Variants in PLS3 observed in about 807,000 individuals in gnomAD.
PLS3 encodes the protein plastin 3, also known as plastin-3.
PLS3 carries 11 observed loss-of-function variants against 46.5 expected under a neutral mutation model. The ratio of observed to expected loss-of-function variants is 0.24; its 90% CI spans 0.15 to 0.39. The LOEUF is 0.39. Among genes scored for constraint, PLS3 ranks in the 10% least tolerant of loss-of-function variants. The probability of loss-of-function intolerance (pLI) is 1.00; values close to 1 mark genes in which losing one functional copy is unlikely to be tolerated. For synonymous variants in PLS3, 167 were observed against 162.2 expected (o/e 1.03, Z -0.22); for missense variants, 308 against 461.8 (o/e 0.67, Z 3.05).
At position 115,647,899 on chromosome X, in the gene PLS3, A is replaced by G. The variant is rs2074968519; in HGVS notation, c.1642A>G (p.Thr548Ala). 1 of 1,200,447 alleles carries G rather than the reference A, an allele frequency of 8.3e-7. No individual in the cohort carries two copies. Residue 548 changes from threonine (T) to alanine (A), a missense_variant, in exon 15 of 16, where the codon ACG (threonine) becomes GCG (alanine). This residue lies in a region of PLS3 where 271 missense variants were observed against 435.7 expected (regional missense o/e 0.62). Coordinates refer to ENST00000355899, the MANE Select transcript of PLS3 (RefSeq NM_005032.7). ...STSIQSFKDKTISSSLAVVDL... is the reference protein window; with the variant it reads ...STSIQSFKDKAISSSLAVVDL... ...TGTTCTCCTTTCACACTAGGACAAG[A>G]CGATCAGCTCCAGTTTGGCAGTTGT...
chrX:115,628,081 A>C (rs2074728645), intron 3 of PLS3, among the ~76,000 whole-genome samples: 2 of 111,280 alleles, frequency 1.8e-5, no homozygotes. Context: ...ACAACAAGGC[A>C]CTCCTTTCGG....
At chrX:115,578,452 G>C (rs907615241) in intron 1 of PLS3, among the ~76,000 whole-genome samples, 2 of 111,393 alleles carry the variant, frequency 1.8e-5, no homozygotes, top group Non-Finnish European at 3.8e-5. Context: ...AAAGCTAGGC[G>C]TGGTGGCTCA....
In PLS3 at chrX:115,636,829, C is replaced by CTTTT; in HGVS notation, c.749-5_749-4insTTTT. On this transcript the variant is annotated splice_region_variant and splice_polypyrimidine_tract_variant and intron_variant, in intron 7 of 15. Transcript: ENST00000355899. ...ATAACTGTGGGATTTTTTTTTTTTT[C>CTTTT]TTCTAGCCTTGGCTGCTTTACTCCG... 9.3e-7 allele frequency: 1 copy of CTTTT among 1,075,791 alleles called. No individual in the cohort carries two copies. The highest frequency in any genetic ancestry group is 1.2e-6 in the Non-Finnish European group (1 of 824,737). The allele number at this position is 1,075,791 out of a possible 1,213,427, so 88.7% of individuals were successfully genotyped here.
intron 1 of PLS3, among the ~76,000 whole-genome samples, chrX:115,568,256 A>G (rs1420892871): frequency 8.9e-6 from 1 of 111,961 alleles, no homozygotes; most frequent in East Asian, 2.8e-4. Context: ...TTCAACATGT[A>G]TGAATTAATC....
intron 2 of PLS3, among the ~76,000 whole-genome samples, chrX:115,620,083 T>C (rs2074633753): frequency 9.0e-6 from 1 of 111,548 alleles, no homozygotes; most frequent in Non-Finnish European, 1.9e-5. Context: ...TCTTGCAAAT[T>C]GCAATTTTAG....
chrX:115,620,756 A>G (rs1556637421), intron 2 of PLS3, among the ~76,000 whole-genome samples: 1 of 76,858 alleles, frequency 1.3e-5, no homozygotes, highest in Admixed American at 2.2e-4. Context: ...TCTGTCACCC[A>G]GGCTGCAGTG....
At chrX:115,582,024 G>C (rs1603221760) in intron 1 of PLS3, among the ~76,000 whole-genome samples, 2 of 112,137 alleles carry the variant, frequency 1.8e-5, no homozygotes, top group Non-Finnish European at 3.8e-5. Context: ...ATTTAAAGAA[G>C]ATGCAATATA....
intron 1 of PLS3, among the ~76,000 whole-genome samples, chrX:115,574,900 A>G (rs781789586): frequency 1.6e-4 from 18 of 111,869 alleles, no homozygotes; most frequent in Non-Finnish European, 5.6e-5. Context: ...ATTTTTATAG[A>G]TTTTAGTATA....
intron 1 of PLS3, among the ~76,000 whole-genome samples, chrX:115,569,074 G>A (rs2032120134): frequency 9.1e-6 from 1 of 109,655 alleles, no homozygotes; most frequent in South Asian, 3.8e-4. Context: ...AAAAGAAAAG[G>A]CCATTCTTTA....
At chrX:115,579,673 T>A (rs1556631626) in intron 1 of PLS3, among the ~76,000 whole-genome samples, 1 of 112,209 alleles carries the variant, frequency 8.9e-6, no homozygotes, top group Non-Finnish European at 1.9e-5. Context: ...TAACATTTTT[T>A]ATGCACTTAT....
intron 1 of PLS3, among the ~76,000 whole-genome samples, chrX:115,588,446 A>G (rs1603224712): frequency 8.9e-6 from 1 of 112,350 alleles, no homozygotes; most frequent in Non-Finnish European, 1.9e-5. Flanking sequence ...AATGTAAACA[A>G]TGCCACCCTT....
intron 1 of PLS3, among the ~76,000 whole-genome samples, chrX:115,587,136 G>A (rs965877299): frequency 8.9e-6 from 1 of 112,376 alleles, no homozygotes; most frequent in Middle Eastern, 4.6e-3. Context: ...AGTGGGTAAA[G>A]CTGCTGAATC....
chrX:115,593,320 T>C (rs1268176113), intron 1 of PLS3, among the ~76,000 whole-genome samples: 8 of 109,725 alleles, frequency 7.3e-5, no homozygotes, highest in Non-Finnish European at 3.8e-5. Context: ...CCCTGAGTCC[T>C]TATATGATTT....
intron 1 of PLS3, among the ~76,000 whole-genome samples, chrX:115,597,253 T>C: frequency 8.9e-6 from 1 of 111,863 alleles, no homozygotes; most frequent in East Asian, 2.8e-4. Context: ...TGGCTTAGTC[T>C]AACCCCATGC....
chrX:115,608,987 C>A (rs2074521307), intron 1 of PLS3, among the ~76,000 whole-genome samples: 2 of 110,004 alleles, frequency 1.8e-5, no homozygotes, highest in African/African-American at 6.6e-5. Context: ...GTAATCCCAG[C>A]ATTTTGGGAG....
intron 1 of PLS3, among the ~76,000 whole-genome samples, chrX:115,594,280 A>C (rs1363504383): frequency 1.8e-5 from 2 of 111,416 alleles, no homozygotes; most frequent in Non-Finnish European, 3.8e-5. Context: ...TGGTTGTCAT[A>C]TAAGTTTAAT....
chrX:115,621,138 C>T lies in PLS3; in HGVS notation c.74-1108C>T, dbSNP rs986105576. ...AAGCGATTCTGCTGCCTCAGCCTCC[C>T]GAGTAGCTGAGATTACGGGTGCCCG... On this transcript the variant is annotated intron_variant, in intron 2 of 15. Coordinates refer to ENST00000355899, the MANE Select transcript of PLS3 (RefSeq NM_005032.7). Among the ~76,000 whole-genome samples, 12 of 110,691 alleles carry T rather than the reference C, an allele frequency of 1.1e-4. No individual in the cohort carries two copies. The East Asian group carries it at 1.1e-3, about 10-fold the overall frequency.
intron 7 of PLS3, among the ~76,000 whole-genome samples, chrX:115,636,616 T>C (rs1445218741): frequency 6.3e-5 from 7 of 111,915 alleles, no homozygotes; most frequent in African/African-American, 2.3e-4. Flanking sequence ...GTATTTGAAA[T>C]GTGAAGAATA....
chrX:115,587,408 T>A (rs1313726675), intron 1 of PLS3, among the ~76,000 whole-genome samples: 1 of 112,006 alleles, frequency 8.9e-6, no homozygotes, highest in Non-Finnish European at 1.9e-5. Context: ...GCGCAGCTGT[T>A]TGAGTTGTGA....
Sources: gnomAD v4.1 joint callset for allele counts (sites outside exome capture counted in the v4.1 genomes callset) on GRCh38, gnomAD v4.1.1 for gene constraint, gnomAD v4.1.1 regional missense constraint, MANE v1.5 for transcripts, NCBI Gene and HGNC (gene_info 2026-07-23, HGNC 2026-07-21) for gene names.